Variants in KLHL28 observed in about 807,000 individuals in gnomAD.
KLHL28 encodes kelch-like protein 28.
Under a neutral mutation model 48.3 loss-of-function variants are expected in KLHL28, and 22 were observed. The observed-to-expected ratio is 0.46, with a 90% CI of 0.33 to 0.65. KLHL28 has a LOEUF of 0.65. Ranked by LOEUF, KLHL28 falls within the 30% of genes least tolerant of loss-of-function variation. The pLI, the probability that KLHL28 is intolerant of heterozygous loss-of-function variation, is 0.03. For missense variants in KLHL28, 527 were observed against 704.3 expected, an observed-to-expected ratio of 0.75 and a Z score of 2.85; for synonymous variants, 243 against 242.4, an observed-to-expected ratio of 1.00 and a Z score of -0.02.
At chr14:44,958,323 T>C (rs1270664590) in intron 1 of KLHL28, among the ~76,000 whole-genome samples, 2 of 151,916 alleles carry the variant, frequency 1.3e-5, no homozygotes. Flanking sequence ...GGGAGGCACT[T>C]ATCTGCCACT....
intron 1 of KLHL28, among the ~76,000 whole-genome samples, chr14:44,956,149 T>C (rs116528850): frequency 6.6e-6 from 1 of 152,148 alleles, no homozygotes; most frequent in Non-Finnish European, 1.5e-5. Context: ...TTTTAAGAGA[T>C]AGGGTCTTGC....
chr14:44,956,774 T>G (rs563024072), intron 1 of KLHL28, among the ~76,000 whole-genome samples: 2 of 152,324 alleles, frequency 1.3e-5, no homozygotes, highest in East Asian at 3.9e-4. Flanking sequence ...TATTAATATA[T>G]TAATTAATCA....
chr14:44,940,709 C>T (rs1884035087), intron 2 of KLHL28, among the ~76,000 whole-genome samples: 1 of 152,292 alleles, frequency 6.6e-6, no homozygotes, highest in African/African-American at 2.4e-5. Flanking sequence ...GTCTCTCTTT[C>T]TCCTATTCAC....
chr14:44,926,669 G>C lies in KLHL28; in HGVS notation c.*2359C>G, dbSNP rs2138569613. ...TTACAGGTACCTGCCACAATGCCCA[G>C]CTAATTTTTTGTATTTTTAGTAGAG... On this transcript the variant is annotated 3_prime_UTR_variant, in exon 5 of 5. Coordinates refer to ENST00000396128, the MANE Select transcript of KLHL28 (RefSeq NM_017658.5). 1 of 152,244 alleles carries C rather than the reference G, an allele frequency of 6.6e-6. No homozygotes were observed. Among genetic ancestry groups the C allele is most frequent in the East Asian group, 1.9e-4 (1 of 5,164 alleles). The allele number at this position is 152,244 out of a possible 1,614,324, so 9.4% of individuals were successfully genotyped here.
At chr14:44,950,370 G>C (rs900057470) in intron 1 of KLHL28, among the ~76,000 whole-genome samples, 1 of 152,048 alleles carries the variant, frequency 6.6e-6, no homozygotes, top group Non-Finnish European at 1.5e-5. Flanking sequence ...CTCAAATCAA[G>C]GTTATGAAGT....
chr14:44,929,921 CT>C (rs1173986174), intron 4 of KLHL28, among the ~76,000 whole-genome samples: 1 of 152,138 alleles, frequency 6.6e-6, no homozygotes, highest in Non-Finnish European at 1.5e-5. Context: ...GAGTATATAT[CT>C]TTCCATAGGC....
In KLHL28 at chr14:44,931,425, T is replaced by A; in HGVS notation, c.1460A>T (p.His487Leu). 2 of 1,614,056 alleles carry A rather than the reference T, an allele frequency of 1.2e-6. No homozygotes were observed. Among genetic ancestry groups the A allele is most frequent in the South Asian group, 1.1e-5 (1 of 91,082 alleles). ...GCTGGACAAATGTGAGACTCCATTATGTCCACCCACCACAAAAATAAAGCC... is the reference window on the plus strand; with the variant it reads ...GCTGGACAAATGTGAGACTCCATTAAGTCCACCCACCACAAAAATAAAGCC... ...MLGFIFVVGGHNGVSHLSSIE... is the reference protein window; with the variant it reads ...MLGFIFVVGGLNGVSHLSSIE... Residue 487 changes from histidine (H) to leucine (L), a missense_variant, in exon 4 of 5, where the codon CAT (histidine) becomes CTT (leucine). Coordinates refer to ENST00000396128, the MANE Select transcript of KLHL28 (RefSeq NM_017658.5).
At chr14:44,933,456 G>A (rs568155525) in intron 3 of KLHL28, among the ~76,000 whole-genome samples, 24 of 151,912 alleles carry the variant, frequency 1.6e-4, no homozygotes, top group African/African-American at 4.6e-4. Context: ...GATTACAGGC[G>A]TGAACCACCA....
At chr14:44,955,638 T>C (rs554589123) in intron 1 of KLHL28, among the ~76,000 whole-genome samples, 2 of 152,120 alleles carry the variant, frequency 1.3e-5, no homozygotes, top group South Asian at 2.1e-4. Flanking sequence ...ATAAAAAAAT[T>C]AGCTGGATGT....
intron 2 of KLHL28, among the ~76,000 whole-genome samples, chr14:44,936,668 T>C (rs1004058327): frequency 4.6e-5 from 7 of 152,156 alleles, no homozygotes; most frequent in Admixed American, 4.6e-4. Flanking sequence ...AATGGGTATG[T>C]AGGTTTCTCC....
intron 2 of KLHL28, among the ~76,000 whole-genome samples, chr14:44,940,683 T>C (rs1318828988): frequency 6.6e-6 from 1 of 152,162 alleles, no homozygotes; most frequent in African/African-American, 2.4e-5. Context: ...ACCTCAATTG[T>C]CTTGAGGCAT....
chr14:44,931,209 C>CT (rs544684169), intron 4 of KLHL28, 124 bp downstream of exon 4: 57,724 of 467,818 alleles, frequency 0.12, 13 homozygotes, highest in East Asian at 0.18. Flanking sequence ...ACATACAAGT[C>CT]TTTTTTTTTT....
chr14:44,953,848 G>GA (rs1342066819), intron 1 of KLHL28: 2 of 151,858 alleles, frequency 1.3e-5, no homozygotes, highest in South Asian at 2.1e-4. Context: ...AGACATCAGT[G>GA]AAAAAATAGG....
chr14:44,934,114 C>A lies in KLHL28; in HGVS notation c.1343+1G>T, dbSNP rs1883701907. On this transcript the variant is annotated splice_donor_variant, in intron 3 of 4. Coordinates refer to ENST00000396128, the MANE Select transcript of KLHL28 (RefSeq NM_017658.5). LOFTEE classifies it high-confidence loss of function. ...TGCAATTTAATTATTAAGTTAAATA[C>A]CTGTTCATGTGGGCAGGACCATACC... The A allele has an allele frequency of 6.3e-7, 1 of 1,588,550 alleles. No homozygotes were observed. The highest frequency in any genetic ancestry group is 8.6e-7 in the Non-Finnish European group (1 of 1,166,440).
intron 1 of KLHL28, among the ~76,000 whole-genome samples, chr14:44,959,060 A>G (rs1235267020): frequency 1.3e-5 from 2 of 151,912 alleles, no homozygotes; most frequent in Non-Finnish European, 2.9e-5. Flanking sequence ...ATAATCTTCA[A>G]CCAAGGATTG....
chr14:44,960,242 C>T (rs971847063), intron 1 of KLHL28, among the ~76,000 whole-genome samples: 1 of 152,226 alleles, frequency 6.6e-6, no homozygotes, highest in African/African-American at 2.4e-5. Context: ...TCATTTAAGA[C>T]TTTCGAAGTT....
chr14:44,944,196 T>C (rs980394434), intron 2 of KLHL28, among the ~76,000 whole-genome samples: 13 of 152,240 alleles, frequency 8.5e-5, no homozygotes, highest in African/African-American at 2.4e-4. Context: ...CTTCAAGCTA[T>C]ATTTTCAATG....
At position 44,944,116 on chromosome 14, in the gene KLHL28, G is replaced by C. The variant is rs186306253; in HGVS notation, c.899+914C>G. 2.0e-4 allele frequency among the ~76,000 whole-genome samples: 30 copies of C among 152,178 alleles called. No individual in the cohort carries two copies. In the East Asian group the frequency reaches 4.8e-3, roughly 24 times the overall value. On this transcript the variant is annotated intron_variant, in intron 2 of 4. Coordinates refer to ENST00000396128, the MANE Select transcript of KLHL28 (RefSeq NM_017658.5). ...TTTTGGAAATGGTCAGAAATCCACA[G>C]TATTAAAAAATATGTATTAAACACA...
chr14:44,934,663 C>T (rs1883734392), intron 2 of KLHL28, 105 bp from the exon 3 acceptor site: 2 of 854,026 alleles, frequency 2.3e-6, no homozygotes, highest in Non-Finnish European at 3.5e-6. Flanking sequence ...ATTAAAAGCA[C>T]AATAAACCAT....
Sources: gnomAD v4.1 joint callset for allele counts (sites outside exome capture counted in the v4.1 genomes callset) on GRCh38, gnomAD v4.1.1 for gene constraint, MANE v1.5 for transcripts, NCBI Gene and HGNC (gene_info 2026-07-23, HGNC 2026-07-21) for gene names.